Variants in TLN2 observed in about 807,000 individuals in gnomAD.
TLN2 encodes the protein talin-2.
In TLN2, 118 loss-of-function variants were observed where a neutral mutation model predicts 294.7. The observed-to-expected ratio is 0.40, with a 90% CI of 0.34 to 0.47. The LOEUF (loss-of-function observed/expected upper bound fraction) is 0.47. Among genes scored for constraint, TLN2 ranks in the 20% least tolerant of loss-of-function variants. The pLI is 0.84. For synonymous variants in TLN2, 1,431 were observed against 1,304.5 expected (o/e 1.10, Z -2.09); for missense variants, 3,083 against 3,282.2 (o/e 0.94, Z 1.48).
intron 12 of TLN2, among the ~76,000 whole-genome samples, chr15:62,687,237 T>C (rs1055567848): frequency 6.6e-6 from 1 of 152,224 alleles, no homozygotes; most frequent in Non-Finnish European, 1.5e-5. Flanking sequence ...GAGAGCATAG[T>C]ACACAGTGGA....
At chr15:62,808,271 A>G (rs1490005988) in intron 51 of TLN2, among the ~76,000 whole-genome samples, 1 of 152,206 alleles carries the variant, frequency 6.6e-6, no homozygotes, top group Non-Finnish European at 1.5e-5. Context: ...GTCTACTATT[A>G]TAATTAATGT....
At chr15:62,503,841 T>G (rs2039437738) in intron 1 of TLN2, among the ~76,000 whole-genome samples, 1 of 152,210 alleles carries the variant, frequency 6.6e-6, no homozygotes, top group Non-Finnish European at 1.5e-5. Context: ...GGAGCTGGGC[T>G]CACACCCCTT....
intron 1 of TLN2, among the ~76,000 whole-genome samples, chr15:62,562,812 T>G (rs1426378479): frequency 6.6e-6 from 1 of 151,932 alleles, no homozygotes; most frequent in Non-Finnish European, 1.5e-5. Flanking sequence ...TTTCCATTCT[T>G]GAGTTGCTTC....
At chr15:62,527,105 C>A (rs547290008) in intron 1 of TLN2, among the ~76,000 whole-genome samples, 13 of 152,210 alleles carry the variant, frequency 8.5e-5, no homozygotes, top group African/African-American at 3.1e-4. Context: ...GAGACAAGTG[C>A]CTTCAGGGAT....
At position 62,737,011 on chromosome 15, in the gene TLN2, C is replaced by T. The variant is rs769114416; in HGVS notation, c.3492C>T (p.Ser1164=). The T allele has an allele frequency of 8.7e-6, 14 of 1,614,078 alleles. No homozygotes were observed. The highest frequency in any genetic ancestry group is 2.7e-5 in the African/African-American group (2 of 74,916). Residue 1164 remains serine (S), a synonymous_variant, in exon 29 of 59, where the codon TCC becomes TCT. Coordinates refer to ENST00000636159, the MANE Select transcript of TLN2 (RefSeq NM_015059.3). ...LDSARDVMEG[S]AMLIQEAKQA... ...CTGCTCGAGACGTGATGGAGGGCTCCGCCATGCTCATTCAAGAGGCCAAGC... is the reference window on the plus strand; with the variant it reads ...CTGCTCGAGACGTGATGGAGGGCTCTGCCATGCTCATTCAAGAGGCCAAGC...
intron 1 of TLN2, among the ~76,000 whole-genome samples, chr15:62,515,259 C>T (rs1227671592): frequency 6.6e-6 from 1 of 152,202 alleles, no homozygotes; most frequent in Non-Finnish European, 1.5e-5. Flanking sequence ...TAGCTCAGCA[C>T]TGTGTTGGTG....
At position 62,492,970 on chromosome 15, in the gene TLN2, G is replaced by A. The variant is rs78365100; in HGVS notation, c.-237-96717G>A. Among the ~76,000 whole-genome samples, 937 of 152,292 alleles carry A rather than the reference G, an allele frequency of 6.2e-3. 5 individuals are homozygous for A. Among genetic ancestry groups the A allele is most frequent in the Middle Eastern group, 0.054 (16 of 294 alleles). On this transcript the variant is annotated intron_variant, in intron 1 of 58. Coordinates refer to ENST00000636159, the MANE Select transcript of TLN2 (RefSeq NM_015059.3). ...TGCTGTCACTGACATTTGAGGACTC[G>A]GAGAGTTGTTGTGGCCTTCCTGTTA...
chr15:62,697,709 G>A lies in TLN2; in HGVS notation c.1314G>A (p.Gln438=), dbSNP rs1567384283. 1 of 1,601,976 alleles carries A rather than the reference G, an allele frequency of 6.2e-7. No individual in the cohort carries two copies. The highest frequency in any genetic ancestry group is 8.5e-7 in the Non-Finnish European group (1 of 1,170,994). Residue 438 remains glutamine, a synonymous_variant, in exon 15 of 59, where the codon CAG becomes CAA. Transcript: ENST00000636159. ...SPKKSTILQQ[Q]FNRTGKAEHG... ...GCAGGTCCACCATCTTGCAGCAGCA[G>A]TTCAACCGGACCGGGAAGGCAGAGC...
intron 12 of TLN2, among the ~76,000 whole-genome samples, chr15:62,691,542 C>G (rs1406168703): frequency 6.6e-6 from 1 of 152,096 alleles, no homozygotes; most frequent in Non-Finnish European, 1.5e-5. Flanking sequence ...ATGATGGTTG[C>G]TTTAAAATCC....
rs142464946 is a variant in TLN2, at chr15:62,769,240, C to G, written c.5197-1724C>G. Among the ~76,000 whole-genome samples, 843 of 152,384 alleles carry G rather than the reference C, an allele frequency of 5.5e-3. 13 individuals carry two copies. Among genetic ancestry groups the G allele is most frequent in the African/African-American group, 0.018 (762 of 41,582 alleles). On this transcript the variant is annotated intron_variant, in intron 41 of 58. Transcript: ENST00000636159. ...GACATAAAGGACCACCCTAAGCCCT[C>G]TGTCCCGATGACCCTTCAGTGCTCC... is the stretch of plus-strand genomic sequence containing the variant.
chr15:62,742,277 G>A (rs2061383598), intron 32 of TLN2, among the ~76,000 whole-genome samples: 1 of 152,052 alleles, frequency 6.6e-6, no homozygotes, highest in Admixed American at 6.5e-5. Context: ...AGGTGGGGTT[G>A]GGGGTGATGT....
At position 62,574,579 on chromosome 15, in the gene TLN2, C is replaced by CAAAAAAAAAAAAAAAAAA. The variant is rs56279063; in HGVS notation, c.-237-15085_-237-15068dup. On this transcript the variant is annotated intron_variant, in intron 1 of 58. Coordinates refer to ENST00000636159, the MANE Select transcript of TLN2 (RefSeq NM_015059.3). ...TGGGCAACAGGATGAGACCCTGTCT[C>CAAAAAAAAAAAAAAAAAA]AAAAAAAAAAAAAAAAAAAAAAAAA... 2.2e-4 allele frequency among the ~76,000 whole-genome samples: 10 copies of CAAAAAAAAAAAAAAAAAA among 46,484 alleles called. 1 individual carries two copies. In the South Asian group the frequency reaches 3.1e-3, roughly 14 times the overall value. 30.5% of individuals were successfully genotyped at this position (46,484 alleles called of 152,430 possible).
intron 9 of TLN2, among the ~76,000 whole-genome samples, chr15:62,670,555 C>T (rs1050217088): frequency 6.6e-6 from 1 of 152,170 alleles, no homozygotes; most frequent in Non-Finnish European, 1.5e-5. Flanking sequence ...TGGAATCTCT[C>T]TTTTTTTCTT....
intron 46 of TLN2, among the ~76,000 whole-genome samples, chr15:62,795,374 C>T (rs1234008811): frequency 1.3e-5 from 2 of 152,084 alleles, no homozygotes; most frequent in Non-Finnish European, 2.9e-5. Context: ...GATTTGTAAG[C>T]AGGGTGTTAG....
At chr15:62,502,438 G>A (rs1017297810) in intron 1 of TLN2, among the ~76,000 whole-genome samples, 3 of 152,222 alleles carry the variant, frequency 2.0e-5, no homozygotes, top group African/African-American at 4.8e-5. Context: ...TGGGAGGGGA[G>A]TCAGCCAGGG....
chr15:62,505,158 C>T (rs1483403511), intron 1 of TLN2, among the ~76,000 whole-genome samples: 1 of 152,056 alleles, frequency 6.6e-6, no homozygotes, highest in African/African-American at 2.4e-5. Flanking sequence ...GGGGTTTCAC[C>T]ATGTTGGCCA....
intron 1 of TLN2, among the ~76,000 whole-genome samples, chr15:62,511,053 C>T (rs1384209680): frequency 6.6e-6 from 1 of 152,228 alleles, no homozygotes; most frequent in African/African-American, 2.4e-5. Flanking sequence ...ATGCTAGGCT[C>T]TACAGCTAAG....
At chr15:62,624,899 A>C (rs1041172169) in intron 3 of TLN2, among the ~76,000 whole-genome samples, 1 of 152,256 alleles carries the variant, frequency 6.6e-6, no homozygotes, top group African/African-American at 2.4e-5. Context: ...AGCCTGTCTT[A>C]ATCAGAGGCT....
At chr15:62,401,838 G>A (rs1476384653) in intron 1 of TLN2, among the ~76,000 whole-genome samples, 3 of 152,096 alleles carry the variant, frequency 2.0e-5, no homozygotes, top group Admixed American at 6.5e-5. Context: ...TTCAGCCATC[G>A]CTCACATGGT....
Sources: gnomAD v4.1 joint callset for allele counts (sites outside exome capture counted in the v4.1 genomes callset) on GRCh38, gnomAD v4.1.1 for gene constraint, MANE v1.5 for transcripts, NCBI Gene and HGNC (gene_info 2026-07-23, HGNC 2026-07-21) for gene names.